KIRREL3: variants seen among roughly 807,000 people sequenced by gnomAD.
KIRREL3 encodes kirre like nephrin family adhesion molecule 3.
In KIRREL3, 36 loss-of-function variants were observed where a neutral mutation model predicts 89.7. The ratio of observed to expected loss-of-function variants is 0.40; its 90% CI spans 0.31 to 0.53. The LOEUF (loss-of-function observed/expected upper bound fraction) is 0.53, where lower values mean the gene tolerates loss of function less well. Ranked by LOEUF, KIRREL3 falls within the 20% of genes least tolerant of loss-of-function variation. KIRREL3 has a pLI of 0.49. For missense variants in KIRREL3, 864 were observed against 1,056.6 expected (o/e 0.82, Z 2.53); for synonymous variants, 445 against 441.4 (o/e 1.01, Z -0.10).
intron 6 of KIRREL3, among the ~76,000 whole-genome samples, chr11:126,458,650 G>A (rs1195485546): frequency 1.3e-5 from 2 of 152,202 alleles, no homozygotes; most frequent in Non-Finnish European, 2.9e-5. Context: ...GTGCTGGGGA[G>A]CCTGTTCTCC....
Position 126,811,330 on chromosome 11 carries a change from G to A in KIRREL3, c.55+189125C>T, listed in dbSNP as rs1249317159. On this transcript the variant is annotated intron_variant, in intron 1 of 16. Transcript: ENST00000525144. This position sits in a 1 kb window ranked among gnomAD's most constrained non-coding sequence, Gnocchi z 4.3. ...AACCGAGTGACTGTTATGGAGCTAC[G>A]AGGTCCTTGTCTGAATTCTCCGTGT... Among the ~76,000 whole-genome samples, 2 of 152,128 alleles carry A rather than the reference G, an allele frequency of 1.3e-5. No homozygotes were observed. The highest frequency in any genetic ancestry group is 1.9e-4 in the East Asian group (1 of 5,184).
rs1939467584 is a variant in KIRREL3, at chr11:126,553,698, A to G, written c.133+9137T>C. The stretch of plus-strand genomic sequence containing the variant: ...TGTTCTGCTTTAATGCACCCCTCAA[A>G]TTTCCATAGGGCTGTGCTCCACATG... On this transcript the variant is annotated intron_variant, in intron 2 of 16. Coordinates refer to ENST00000525144, the MANE Select transcript of KIRREL3 (RefSeq NM_032531.4). The surrounding 1 kb of genome is among the most constrained non-coding windows in gnomAD (Gnocchi z 4.7). Among the ~76,000 whole-genome samples, 1 of 151,994 alleles carries G rather than the reference A, an allele frequency of 6.6e-6. No individual in the cohort carries two copies. Among genetic ancestry groups the G allele is most frequent in the Non-Finnish European group, 1.5e-5 (1 of 67,988 alleles).
chr11:126,822,428 T>C (rs575363852), intron 1 of KIRREL3, among the ~76,000 whole-genome samples: 23 of 152,314 alleles, frequency 1.5e-4, no homozygotes, highest in Non-Finnish European at 2.8e-4. Context: ...TAGGCACATA[T>C]CACAAATTTC....
At chr11:127,001,316 G>GT (rs1450009683), upstream of KIRREL3, among the ~76,000 whole-genome samples, 4 of 60,428 alleles carry the variant, frequency 6.6e-5, no homozygotes, top group Admixed American at 1.7e-4. Context: ...GGTTGTGGTG[G>GT]GGGGGGGGGG....
intron 1 of KIRREL3, among the ~76,000 whole-genome samples, chr11:126,626,514 T>C (rs1051823370): frequency 6.6e-6 from 1 of 152,162 alleles, no homozygotes; most frequent in Non-Finnish European, 1.5e-5. Flanking sequence ...ATTAACTCTT[T>C]AGTAGCTGGA....
At position 126,520,327 on chromosome 11, in the gene KIRREL3, G is replaced by A. The variant is rs1892929; in HGVS notation, c.433+988C>T. ...GCACGCGTGCCTGGCACAGACTCAC[G>A]TGTAAGGGGGCAGCGAGGTGGGGCA... On this transcript the variant is annotated intron_variant, in intron 4 of 16. Coordinates refer to ENST00000525144, the MANE Select transcript of KIRREL3 (RefSeq NM_032531.4). This position sits in a 1 kb window ranked among gnomAD's most constrained non-coding sequence, Gnocchi z 4.9. Among the ~76,000 whole-genome samples the A allele has an allele frequency of 0.27, 40,996 of 152,092 alleles. 6,643 individuals carry two copies. The highest frequency in any genetic ancestry group is 0.45 in the African/African-American group (18,474 of 41,464).
Position 126,563,396 on chromosome 11 carries a change from G to A in KIRREL3, c.56-484C>T, listed in dbSNP as rs75119933. ...GGAACAGTGCAACCAGACATGGTGG[G>A]TGACTCAGGAGGATGAAGTGATTGC... is the stretch of plus-strand genomic sequence containing the variant. On this transcript the variant is annotated intron_variant, in intron 1 of 16. Transcript: ENST00000525144. The surrounding 1 kb of genome is among the most constrained non-coding windows in gnomAD (Gnocchi z 6.8). Among the ~76,000 whole-genome samples, 2 of 152,346 alleles carry A rather than the reference G, an allele frequency of 1.3e-5. No homozygotes were observed. The highest frequency in any genetic ancestry group is 2.1e-4 in the South Asian group (1 of 4,822).
At position 126,578,245 on chromosome 11, in the gene KIRREL3, G is replaced by A. The variant is rs1444078244; in HGVS notation, c.56-15333C>T. Among the ~76,000 whole-genome samples, 1 of 152,138 alleles carries A rather than the reference G, an allele frequency of 6.6e-6. No individual in the cohort carries two copies. Among genetic ancestry groups the A allele is most frequent in the Non-Finnish European group, 1.5e-5 (1 of 68,032 alleles). ...AGGATGTTTCGGTCCTGGGATGCTT[G>A]CAGCCCAGGAAATGCTCCCTCCCTC... is the stretch of plus-strand genomic sequence containing the variant. On this transcript the variant is annotated intron_variant, in intron 1 of 16. Coordinates refer to ENST00000525144, the MANE Select transcript of KIRREL3 (RefSeq NM_032531.4). This position sits in a 1 kb window ranked among gnomAD's most constrained non-coding sequence, Gnocchi z 4.9.
chr11:126,923,263 TCTTCTC>T (rs1439644782), intron 1 of KIRREL3, among the ~76,000 whole-genome samples: 1,038 of 56,588 alleles, frequency 0.018, 301 homozygotes, highest in East Asian at 0.043. Context: ...TTCTTCTTCT[TCTTCTC>T]CTTCTCCTTC....
chr11:126,930,699 T>C (rs1296933622), intron 1 of KIRREL3, among the ~76,000 whole-genome samples: 1 of 152,098 alleles, frequency 6.6e-6, no homozygotes, highest in Admixed American at 6.5e-5. Context: ...CTTCCCTAAT[T>C]GTCTCACTGC....
In KIRREL3 at chr11:126,474,716, C is replaced by T. The variant is rs1304943972; in HGVS notation, c.434-1250G>A. 6.6e-6 allele frequency among the ~76,000 whole-genome samples: 1 copy of T among 152,214 alleles called. No homozygotes were observed. The highest frequency in any genetic ancestry group is 1.5e-5 in the Non-Finnish European group (1 of 68,032). The stretch of plus-strand genomic sequence containing the variant: ...GCGTCGGAGCACGGTCTCCGCAGTG[C>T]CCAGCACAGAGCCCTGTGCTGGGGA... On this transcript the variant is annotated intron_variant, in intron 4 of 16. Transcript: ENST00000525144. The surrounding 1 kb of genome is among the most constrained non-coding windows in gnomAD (Gnocchi z 6.7).
chr11:126,880,774 T>C (rs1211215649), intron 1 of KIRREL3, among the ~76,000 whole-genome samples: 1 of 152,198 alleles, frequency 6.6e-6, no homozygotes, highest in Non-Finnish European at 1.5e-5. Context: ...TTGCCAAGTT[T>C]ATTTTAGACC....
chr11:126,627,063 G>A lies in KIRREL3; in HGVS notation c.56-64151C>T, dbSNP rs1162811899. Among the ~76,000 whole-genome samples the A allele has an allele frequency of 6.6e-6, 1 of 151,978 alleles. No homozygotes were observed. Among genetic ancestry groups the A allele is most frequent in the African/African-American group, 2.4e-5 (1 of 41,402 alleles). ...GTTTTGAAGCCTCAAAGGAAGGTGT[G>A]TGTGCATGCATGTGTGTGTATGTGT... On this transcript the variant is annotated intron_variant, in intron 1 of 16. Transcript: ENST00000525144. This position sits in a 1 kb window ranked among gnomAD's most constrained non-coding sequence, Gnocchi z 5.0.
At position 126,636,584 on chromosome 11, in the gene KIRREL3, A is replaced by T. The variant is rs1944272375; in HGVS notation, c.56-73672T>A. Among the ~76,000 whole-genome samples, 1 of 152,116 alleles carries T rather than the reference A, an allele frequency of 6.6e-6. No individual in the cohort carries two copies. Among genetic ancestry groups the T allele is most frequent in the Admixed American group, 6.5e-5 (1 of 15,282 alleles). On this transcript the variant is annotated intron_variant, in intron 1 of 16. Coordinates refer to ENST00000525144, the MANE Select transcript of KIRREL3 (RefSeq NM_032531.4). This position sits in a 1 kb window ranked among gnomAD's most constrained non-coding sequence, Gnocchi z 4.4. ...GCCCCCCAGATCTCACTGCTCTCTG[A>T]GTCTTACCTTAGTCTCCTGTCTTTT...
rs181175451 is a variant in KIRREL3 at position 126,432,883 on chromosome 11, G to T, written c.1589-1357C>A. On this transcript the variant is annotated intron_variant, in intron 13 of 16. Transcript: ENST00000525144. The surrounding 1 kb of genome is among the most constrained non-coding windows in gnomAD (Gnocchi z 6.2). Reference sequence around the variant, plus strand: ...CAGGAAGGGGTCACCAGCAGTTCACGGTCTTTTATTTTTGGGATGGAGTCT... The same window carrying T: ...CAGGAAGGGGTCACCAGCAGTTCACTGTCTTTTATTTTTGGGATGGAGTCT... 6.6e-6 allele frequency among the ~76,000 whole-genome samples: 1 copy of T among 152,056 alleles called. No individual in the cohort carries two copies. The highest frequency in any genetic ancestry group is 1.5e-5 in the Non-Finnish European group (1 of 68,004).
rs554216374 is a variant in KIRREL3, at chr11:126,656,581, A to G, written c.56-93669T>C. ...TGGGCACCGCCTGCCCAGCCCCTGC[A>G]CTGATTGTCTTACCCACAGGGGCAG... On this transcript the variant is annotated intron_variant, in intron 1 of 16. Coordinates refer to ENST00000525144, the MANE Select transcript of KIRREL3 (RefSeq NM_032531.4). The surrounding 1 kb of genome is among the most constrained non-coding windows in gnomAD (Gnocchi z 4.0). Among the ~76,000 whole-genome samples the G allele has an allele frequency of 5.9e-5, 9 of 152,348 alleles. No individual in the cohort carries two copies. Among genetic ancestry groups the G allele is most frequent in the African/African-American group, 1.9e-4 (8 of 41,592 alleles).
Position 126,489,186 on chromosome 11 carries a change from T to C in KIRREL3, c.434-15720A>G, listed in dbSNP as rs1242085981. ...AAGCTGTAGATGGATGCGCTGCGTTTGCGGTGGAGAGCCGGCTGCATGGGA... is the reference window on the plus strand; with the variant it reads ...AAGCTGTAGATGGATGCGCTGCGTTCGCGGTGGAGAGCCGGCTGCATGGGA... On this transcript the variant is annotated intron_variant, in intron 4 of 16. Transcript: ENST00000525144. This position sits in a 1 kb window ranked among gnomAD's most constrained non-coding sequence, Gnocchi z 5.5. Among the ~76,000 whole-genome samples the C allele has an allele frequency of 1.3e-5, 2 of 152,084 alleles. No individual in the cohort carries two copies. The highest frequency in any genetic ancestry group is 4.8e-5 in the African/African-American group (2 of 41,422).
chr11:126,520,807 T>C lies in KIRREL3; in HGVS notation c.433+508A>G, dbSNP rs1958561277. ...GTCAGCCAGGATTCCCAGGGAGCAA[T>C]GAGGGGTGGAGAAGTCACGGGGGTC... is the stretch of plus-strand genomic sequence containing the variant. On this transcript the variant is annotated intron_variant, in intron 4 of 16. Coordinates refer to ENST00000525144, the MANE Select transcript of KIRREL3 (RefSeq NM_032531.4). This position sits in a 1 kb window ranked among gnomAD's most constrained non-coding sequence, Gnocchi z 4.9. 6.6e-6 allele frequency among the ~76,000 whole-genome samples: 1 copy of C among 151,846 alleles called. No homozygotes were observed. Among genetic ancestry groups the C allele is most frequent in the East Asian group, 1.9e-4 (1 of 5,172 alleles).
chr11:126,712,736 C>T lies in KIRREL3; in HGVS notation c.56-149824G>A, dbSNP rs940388134. On this transcript the variant is annotated intron_variant, in intron 1 of 16. Coordinates refer to ENST00000525144, the MANE Select transcript of KIRREL3 (RefSeq NM_032531.4). The stretch of plus-strand genomic sequence containing the variant: ...AGGTTGGCGACAACCTGAAAGCTAC[C>T]AGCAGAGAAAAGTAGGTGGAGACAG... 3.3e-5 allele frequency among the ~76,000 whole-genome samples: 5 copies of T among 152,238 alleles called. No homozygotes were observed. The East Asian group carries it at 7.7e-4, about 24-fold the overall frequency.
Sources: allele counts gnomAD v4.1 joint callset (sites outside exome capture counted in the v4.1 genomes callset), GRCh38; gene constraint gnomAD v4.1.1; non-coding constraint Gnocchi (gnomAD v3.1); transcripts MANE v1.5; gene names NCBI Gene and HGNC (gene_info 2026-07-23, HGNC 2026-07-21).